CCDC88A: variants seen among roughly 807,000 people sequenced by gnomAD.
CCDC88A encodes coiled-coil and HOOK domain protein 88A, also known as girdin.
CCDC88A carries 54 observed loss-of-function variants against 234.3 expected under a neutral mutation model. The observed-to-expected ratio is 0.23, with a 90% CI of 0.19 to 0.29. CCDC88A has a LOEUF of 0.29. CCDC88A is among the 10% of genes least tolerant of loss of function. CCDC88A has a pLI of 1.00. For synonymous variants in CCDC88A, 753 were observed against 737.8 expected, an observed-to-expected ratio of 1.02 and a Z score of -0.33; for missense variants, 1,832 against 2,123.4, an observed-to-expected ratio of 0.86 and a Z score of 2.70.
intron 3 of CCDC88A, among the ~76,000 whole-genome samples, chr2:55,376,208 T>A (rs897095611): frequency 5.3e-5 from 8 of 152,212 alleles, no homozygotes; most frequent in Admixed American, 5.2e-4. Context: ...CTGGGATGAA[T>A]TAGACTACAG....
Position 55,312,539 on chromosome 2 carries a change from C to T in CCDC88A, c.3974G>A (p.Arg1325Gln), listed in dbSNP as rs1682464003. The T allele has an allele frequency of 6.2e-7, 1 of 1,607,910 alleles. No homozygotes were observed. The highest frequency in any genetic ancestry group is 1.4e-5 in the African/African-American group (1 of 74,032). ...QLKGNLEEEN[R>Q]HLLDQIQTLM... ...TGTCTGAATTTGATCTAGTAGATGC[C>T]GATTTTCTTCTTCTAAATTTCCTTT... Residue 1325 changes from arginine (R) to glutamine (Q), a missense_variant, in exon 23 of 33, where the codon CGG (arginine) becomes CAG (glutamine). Around this residue, in one of 6 missense-constraint regions of CCDC88A, gnomAD observed 1,282 missense variants for 1,543.6 expected, o/e 0.83. Transcript: ENST00000436346.
At chr2:55,308,550 C>CA (rs970161120) in intron 25 of CCDC88A, 1 of 382,522 alleles carries the variant, frequency 2.6e-6, no homozygotes, top group Non-Finnish European at 4.7e-6. Context: ...TAGCAAGTGG[C>CA]AGAGGTATTC....
intron 7 of CCDC88A, 161 bp downstream of exon 7, chr2:55,362,147 G>A (rs1297774036): frequency 6.1e-6 from 3 of 493,038 alleles, no homozygotes; most frequent in South Asian, 4.5e-5. Flanking sequence ...GCAATTTGGG[G>A]TTCTTATACA....
At chr2:55,400,794 TTGGTGCTTAACTGA>T (rs1166109464) in intron 2 of CCDC88A, among the ~76,000 whole-genome samples, 1 of 152,222 alleles carries the variant, frequency 6.6e-6, no homozygotes, top group East Asian at 1.9e-4. Flanking sequence ...CTGTTCTGTG[TTGGTGCTTAACTGA>T]TGGTGGTTTT....
intron 2 of CCDC88A, among the ~76,000 whole-genome samples, chr2:55,407,281 C>G (rs891219457): frequency 6.6e-6 from 1 of 151,860 alleles, no homozygotes; most frequent in African/African-American, 2.4e-5. Context: ...CTCACAAAGT[C>G]TGATTTTTAA....
chr2:55,340,232 T>A (rs895705097), intron 12 of CCDC88A: 2 of 152,226 alleles, frequency 1.3e-5, no homozygotes, highest in Non-Finnish European at 2.9e-5. Context: ...TTTGCTGATA[T>A]AAGAACATTA....
rs768257155 is a variant in CCDC88A, at chr2:55,346,156, G to A, written c.1041+19C>T. 2.6e-6 allele frequency: 4 copies of A among 1,544,630 alleles called. No individual in the cohort carries two copies. The highest frequency in any genetic ancestry group is 2.3e-5 in the East Asian group (1 of 42,702). On this transcript the variant is annotated intron_variant, in intron 10 of 32. Coordinates refer to ENST00000436346, the MANE Select transcript of CCDC88A (RefSeq NM_001365480.1). ...TAACACAGAAAAAAAAATCATGAAT[G>A]GTTAATTATGCAACATACCTCAACT...
chr2:55,353,834 C>T (rs1670207283), intron 8 of CCDC88A, among the ~76,000 whole-genome samples: 2 of 152,144 alleles, frequency 1.3e-5, no homozygotes, highest in South Asian at 4.1e-4. Context: ...ACAATTTCAT[C>T]AGTACTAACC....
At chr2:55,333,228 C>A (rs1194413306) in intron 15 of CCDC88A, among the ~76,000 whole-genome samples, 3 of 152,056 alleles carry the variant, frequency 2.0e-5, no homozygotes, top group African/African-American at 7.2e-5. Context: ...GCAGACTGCC[C>A]AATGTGACCT....
At chr2:55,330,873 C>T (rs1684835283) in intron 16 of CCDC88A, among the ~76,000 whole-genome samples, 1 of 152,122 alleles carries the variant, frequency 6.6e-6, no homozygotes, top group Non-Finnish European at 1.5e-5. Context: ...TACTTTTGTG[C>T]TTTTATACAA....
chr2:55,326,175 T>C (rs1684239118), intron 17 of CCDC88A, among the ~76,000 whole-genome samples: 1 of 152,102 alleles, frequency 6.6e-6, no homozygotes, highest in Admixed American at 6.6e-5. Flanking sequence ...TTCTTCTTTT[T>C]TTTTTTGCCT....
intron 12 of CCDC88A, 133 bp from the exon 13 acceptor site, chr2:55,339,781 G>T (rs996210909): frequency 8.3e-6 from 5 of 601,724 alleles, no homozygotes; most frequent in Non-Finnish European, 1.1e-5. Context: ...ATTCAATGAG[G>T]TTATATAAGA....
chr2:55,349,737 A>G (rs1574228470), intron 8 of CCDC88A, 138 bp from the exon 9 acceptor site: 2 of 524,912 alleles, frequency 3.8e-6, no homozygotes, highest in Non-Finnish European at 6.6e-6. Context: ...TAGAAGATAA[A>G]AAAAAAAAGA....
intron 2 of CCDC88A, among the ~76,000 whole-genome samples, chr2:55,395,038 T>G (rs1372619399): frequency 6.6e-6 from 1 of 151,798 alleles, no homozygotes; most frequent in Non-Finnish European, 1.5e-5. Flanking sequence ...GAGAGATGGG[T>G]TTTCACCATG....
intron 9 of CCDC88A, among the ~76,000 whole-genome samples, chr2:55,348,175 G>A (rs1669412103): frequency 6.6e-6 from 1 of 152,094 alleles, no homozygotes; most frequent in African/African-American, 2.4e-5. Context: ...ACGTTGCCCA[G>A]GCAGGTCTTT....
chr2:55,369,920 C>A (rs979859247), intron 5 of CCDC88A, among the ~76,000 whole-genome samples: 2 of 152,284 alleles, frequency 1.3e-5, no homozygotes, highest in South Asian at 4.1e-4. Context: ...AAAATTCAAA[C>A]TCCTTGAGCT....
intron 2 of CCDC88A, chr2:55,404,279 T>C (rs1679190947): frequency 6.6e-6 from 1 of 152,196 alleles, no homozygotes; most frequent in Non-Finnish European, 1.5e-5. Context: ...GTTTTTAAAT[T>C]TGGTAAGAAA....
chr2:55,305,949 C>T (rs1482903223), intron 25 of CCDC88A: 2 of 152,038 alleles, frequency 1.3e-5, no homozygotes, highest in African/African-American at 4.8e-5. Context: ...GAGTCTCGCT[C>T]CTGTCGTGCA....
chr2:55,372,764 T>C (rs1429909421), intron 4 of CCDC88A, among the ~76,000 whole-genome samples: 3 of 151,202 alleles, frequency 2.0e-5, no homozygotes, highest in Non-Finnish European at 4.4e-5. Context: ...ACAAGTATGC[T>C]AACTATGAAT....
Sources: allele counts gnomAD v4.1 joint callset (sites outside exome capture counted in the v4.1 genomes callset), GRCh38; gene constraint gnomAD v4.1.1; regional missense constraint gnomAD v4.1.1; transcripts MANE v1.5; gene names NCBI Gene and HGNC (gene_info 2026-07-23, HGNC 2026-07-21).